Variants in SCHIP1 observed in about 807,000 individuals in gnomAD.
The protein encoded by SCHIP1 is schwannomin-interacting protein 1.
SCHIP1 carries 8 observed loss-of-function variants against 29.7 expected under a neutral mutation model. The ratio of observed to expected loss-of-function variants is 0.27; its 90% CI spans 0.16 to 0.49. The LOEUF (loss-of-function observed/expected upper bound fraction) is 0.49, where lower values mean the gene tolerates loss of function less well. SCHIP1 is among the 20% of genes least tolerant of loss of function. The pLI is 0.99. For missense variants in SCHIP1, 193 were observed against 294.6 expected (o/e 0.66, Z 2.52); for synonymous variants, 76 against 94.9 (o/e 0.80, Z 1.16).
At chr3:159,638,694 C>A in the SCHIP1 span, among the ~76,000 whole-genome samples, 1 of 151,886 alleles carries the variant, frequency 6.6e-6, no homozygotes, top group East Asian at 1.9e-4. Flanking sequence ...TGAGCCTGTC[C>A]CACTTAGTCT....
At chr3:159,633,465 A>C in the SCHIP1 span, among the ~76,000 whole-genome samples, 1 of 152,220 alleles carries the variant, frequency 6.6e-6, no homozygotes, top group East Asian at 1.9e-4. Flanking sequence ...ATCTCAGTGA[A>C]ATTGCAGAAC....
chr3:159,761,930 C>T, the SCHIP1 span, among the ~76,000 whole-genome samples: 4 of 152,278 alleles, frequency 2.6e-5, no homozygotes, highest in East Asian at 7.7e-4. Flanking sequence ...TGGAATGAAA[C>T]CACAACTCTC....
the SCHIP1 span, among the ~76,000 whole-genome samples, chr3:159,770,002 T>G: frequency 6.6e-6 from 1 of 152,222 alleles, no homozygotes. Context: ...GATTTCTATG[T>G]TATAGATTAG....
At chr3:159,516,318 C>G in the SCHIP1 span, among the ~76,000 whole-genome samples, 2 of 152,270 alleles carry the variant, frequency 1.3e-5, no homozygotes, top group South Asian at 4.1e-4. Flanking sequence ...GGCCAAGTCT[C>G]TTCCTGACTC....
chr3:159,502,448 C>T, the SCHIP1 span, among the ~76,000 whole-genome samples: 11,057 of 151,910 alleles, frequency 0.073, 1,365 homozygotes, highest in African/African-American at 0.26. Flanking sequence ...GGCAGACCCA[C>T]ATATAGTGAC....
intron 2 of SCHIP1, among the ~76,000 whole-genome samples, chr3:159,875,836 T>C (rs775170856): frequency 1.1e-4 from 17 of 152,060 alleles, no homozygotes; most frequent in Non-Finnish European, 1.9e-4. Flanking sequence ...CATGTGCCTG[T>C]AGTCACAGCT....
the SCHIP1 span, among the ~76,000 whole-genome samples, chr3:159,717,324 G>A: frequency 3.9e-5 from 6 of 151,972 alleles, no homozygotes; most frequent in South Asian, 2.1e-4. Context: ...TAAAAGAACT[G>A]GAGAAGCAAG....
At chr3:159,770,455 C>T in the SCHIP1 span, among the ~76,000 whole-genome samples, 1 of 152,134 alleles carries the variant, frequency 6.6e-6, no homozygotes, top group South Asian at 2.1e-4. Context: ...GACGGGGTGT[C>T]ACCATGTTGG....
chr3:159,588,002 T>C, the SCHIP1 span, among the ~76,000 whole-genome samples: 1 of 152,204 alleles, frequency 6.6e-6, no homozygotes, highest in Non-Finnish European at 1.5e-5. Flanking sequence ...GATGGCTGGG[T>C]CAAATGGTAT....
chr3:159,630,291 C>G, the SCHIP1 span, among the ~76,000 whole-genome samples: 1 of 152,134 alleles, frequency 6.6e-6, no homozygotes. Context: ...ACTGTATGAC[C>G]TCATCTACAG....
At chr3:159,393,346 T>G in the SCHIP1 span, among the ~76,000 whole-genome samples, 2 of 152,186 alleles carry the variant, frequency 1.3e-5, no homozygotes, top group South Asian at 4.1e-4. Flanking sequence ...TTTTGGCTTT[T>G]CTTGCCATTG....
the SCHIP1 span, among the ~76,000 whole-genome samples, chr3:159,776,107 G>T: frequency 6.6e-6 from 1 of 151,642 alleles, no homozygotes; most frequent in Admixed American, 6.6e-5. Flanking sequence ...TCTTAGAAAA[G>T]AACCTAAATG....
chr3:159,839,985 C>T, exon 1 of SCHIP1: 1 of 1,436,286 alleles, frequency 7.0e-7, no homozygotes, highest in Non-Finnish European at 9.1e-7. Context: ...GAGAGCAGCT[C>T]AGCTCGCTAG....
chr3:159,469,164 C>T, the SCHIP1 span, among the ~76,000 whole-genome samples: 6 of 152,012 alleles, frequency 3.9e-5, no homozygotes, highest in South Asian at 1.0e-3. Context: ...CCCCTGGGAG[C>T]TAACATTATT....
the SCHIP1 span, among the ~76,000 whole-genome samples, chr3:159,774,516 T>A: frequency 6.6e-6 from 1 of 152,226 alleles, no homozygotes; most frequent in African/African-American, 2.4e-5. Context: ...ATTTTTTCTC[T>A]CCACTGACCG....
chr3:159,473,958 A>G, the SCHIP1 span, among the ~76,000 whole-genome samples: 1 of 152,104 alleles, frequency 6.6e-6, no homozygotes, highest in Non-Finnish European at 1.5e-5. Flanking sequence ...ATTGTCTTTC[A>G]ATCTTCAGTG....
the SCHIP1 span, among the ~76,000 whole-genome samples, chr3:159,625,616 G>A: frequency 6.6e-6 from 1 of 151,912 alleles, no homozygotes. Flanking sequence ...GCAATCAGCC[G>A]TAGTTGGAAT....
the SCHIP1 span, among the ~76,000 whole-genome samples, chr3:159,408,073 C>G: frequency 6.6e-6 from 1 of 151,922 alleles, no homozygotes; most frequent in South Asian, 2.1e-4. Context: ...CCGAGGCAGG[C>G]GGATCACGAG....
chr3:159,760,956 G>C, the SCHIP1 span, among the ~76,000 whole-genome samples: 1 of 152,168 alleles, frequency 6.6e-6, no homozygotes, highest in African/African-American at 2.4e-5. Flanking sequence ...TGAGTGTCAC[G>C]GGCACGTGCG....
Sources: gnomAD v4.1 joint callset for allele counts (sites outside exome capture counted in the v4.1 genomes callset) on GRCh38, gnomAD v4.1.1 for gene constraint, MANE v1.5 for transcripts, NCBI Gene and HGNC (gene_info 2026-07-23, HGNC 2026-07-21) for gene names.